FMN1: variants seen among roughly 807,000 people sequenced by gnomAD.
The protein encoded by FMN1 is formin 1.
In FMN1, 110 loss-of-function variants were observed where a neutral mutation model predicts 132.4. The ratio of observed to expected loss-of-function variants is 0.83; its 90% CI spans 0.71 to 0.97. FMN1 has a LOEUF of 0.97. Among genes scored for constraint, FMN1 ranks in the 50% least tolerant of loss-of-function variants. The pLI, the probability that FMN1 is intolerant of heterozygous loss-of-function variation, is 0.00. For missense variants in FMN1, 1,792 were observed against 1,705.3 expected, an observed-to-expected ratio of 1.05 and a Z score of -0.90; for synonymous variants, 722 against 651.7, an observed-to-expected ratio of 1.11 and a Z score of -1.64.
chr15:32,993,779 T>C (rs1323840977), intron 7 of FMN1, among the ~76,000 whole-genome samples: 3 of 151,910 alleles, frequency 2.0e-5, no homozygotes, highest in Admixed American at 2.0e-4. Flanking sequence ...TCAGAGAGCG[T>C]AAATTCTCTC....
chr15:32,982,365 A>C (rs907821931), intron 7 of FMN1, among the ~76,000 whole-genome samples: 1 of 152,214 alleles, frequency 6.6e-6, no homozygotes, highest in Admixed American at 6.5e-5. Flanking sequence ...GCCATTTCTT[A>C]TAAAGTTAAA....
Position 32,900,129 on chromosome 15 carries a change from T to A in FMN1, c.3508-4A>T. 6.2e-7 allele frequency: 1 copy of A among 1,613,668 alleles called. No individual in the cohort carries two copies. Among genetic ancestry groups the A allele is most frequent in the African/African-American group, 1.3e-5 (1 of 75,058 alleles). On this transcript the variant is annotated splice_polypyrimidine_tract_variant and splice_region_variant and intron_variant, in intron 13 of 20. Coordinates refer to ENST00000616417, the MANE Select transcript of FMN1 (RefSeq NM_001277313.2). ...CGCTCTTCACGTGCAGCAAGTCCTG[T>A]GATGGCAAACACCAGTTATTACGGA... is the stretch of plus-strand genomic sequence containing the variant.
At chr15:33,103,951 C>T (rs189792657) in intron 4 of FMN1, among the ~76,000 whole-genome samples, 96 of 151,942 alleles carry the variant, frequency 6.3e-4, no homozygotes, top group African/African-American at 2.2e-3. Context: ...AAATACAGCT[C>T]CAATTTAAAA....
intron 6 of FMN1, among the ~76,000 whole-genome samples, chr15:33,038,619 G>C (rs534627739): frequency 6.6e-6 from 1 of 152,270 alleles, no homozygotes; most frequent in Non-Finnish European, 1.5e-5. Context: ...CAACACGTAA[G>C]ATTTAATAAT....
chr15:33,059,548 T>A (rs1157404678), intron 6 of FMN1, among the ~76,000 whole-genome samples: 2 of 152,208 alleles, frequency 1.3e-5, no homozygotes, highest in African/African-American at 2.4e-5. Flanking sequence ...CCTTGTTGGA[T>A]CTTTAGATAC....
chr15:32,798,476 G>C (rs1251926298), intron 19 of FMN1, among the ~76,000 whole-genome samples: 3 of 152,178 alleles, frequency 2.0e-5, no homozygotes, highest in Non-Finnish European at 4.4e-5. Context: ...CGACAGCAAG[G>C]CTGCCTCATT....
At chr15:32,858,112 C>A (rs1244639538) in intron 16 of FMN1, among the ~76,000 whole-genome samples, 1 of 152,154 alleles carries the variant, frequency 6.6e-6, no homozygotes, top group African/African-American at 2.4e-5. Context: ...TACTACAGAT[C>A]TTGGAGCAAT....
intron 6 of FMN1, among the ~76,000 whole-genome samples, chr15:33,019,287 C>T (rs548507848): frequency 2.6e-5 from 4 of 152,296 alleles, no homozygotes; most frequent in Non-Finnish European, 4.4e-5. Context: ...AAACCCTGAG[C>T]GGGACACAGA....
intron 7 of FMN1, among the ~76,000 whole-genome samples, chr15:33,007,223 A>T (rs2034467616): frequency 6.6e-6 from 1 of 152,194 alleles, no homozygotes; most frequent in Non-Finnish European, 1.5e-5. Flanking sequence ...TAGAAAAGAA[A>T]TGTCTGATCC....
intron 12 of FMN1, among the ~76,000 whole-genome samples, chr15:32,907,560 T>C (rs570395316): frequency 6.6e-6 from 1 of 152,196 alleles, no homozygotes; most frequent in Non-Finnish European, 1.5e-5. Flanking sequence ...GACCCGTTTC[T>C]AGAGGACCCA....
chr15:32,969,052 T>C lies in FMN1; in HGVS notation c.2649A>G (p.Ser883=), dbSNP rs1233976631. 6.7e-7 allele frequency: 1 copy of C among 1,481,662 alleles called. No homozygotes were observed. Among genetic ancestry groups the C allele is most frequent in the Non-Finnish European group, 9.0e-7 (1 of 1,105,958 alleles). The allele number at this position is 1,481,662 out of a possible 1,614,324, so 91.8% of individuals were successfully genotyped here. The change falls in exon 8 of 21, where the codon TCA becomes TCG. Residue 883 remains serine (S), a synonymous_variant. Transcript: ENST00000616417. ...GTGCGGGAGACAAAGATCCAAGTCC[T>C]GAGGGGAGGGGCGGAGGGGGAGGGA... ...ASIPPPPPLP[S]GLGSLSPAPP...
intron 9 of FMN1, among the ~76,000 whole-genome samples, chr15:32,945,359 T>C (rs781774459): frequency 9.9e-5 from 15 of 152,134 alleles, no homozygotes; most frequent in Non-Finnish European, 2.1e-4. Context: ...AGTAACTTTC[T>C]CATAGAAAGC....
intron 4 of FMN1, among the ~76,000 whole-genome samples, chr15:33,122,028 G>A (rs1410641997): frequency 6.6e-6 from 1 of 152,052 alleles, no homozygotes; most frequent in Non-Finnish European, 1.5e-5. Flanking sequence ...TACTTTCAAG[G>A]AGCACAATAC....
intron 9 of FMN1, among the ~76,000 whole-genome samples, chr15:32,945,702 C>T (rs921577839): frequency 6.6e-6 from 1 of 152,068 alleles, no homozygotes; most frequent in Non-Finnish European, 1.5e-5. Flanking sequence ...TGATGGATGG[C>T]CTTTGATTTA....
At chr15:32,916,055 G>A (rs912398235) in intron 10 of FMN1, among the ~76,000 whole-genome samples, 1 of 152,158 alleles carries the variant, frequency 6.6e-6, no homozygotes, top group African/African-American at 2.4e-5. Flanking sequence ...ATATACACAA[G>A]GATCATTAGA....
chr15:32,850,090 G>A (rs1221935573), intron 17 of FMN1, among the ~76,000 whole-genome samples: 1 of 152,188 alleles, frequency 6.6e-6, no homozygotes, highest in East Asian at 1.9e-4. Context: ...TTGAGTAGCA[G>A]TGGAGTACAC....
intron 7 of FMN1, among the ~76,000 whole-genome samples, chr15:32,986,508 T>A (rs551785086): frequency 6.6e-6 from 1 of 152,236 alleles, no homozygotes; most frequent in South Asian, 2.1e-4. Flanking sequence ...TAAACATAGA[T>A]TAAGAAAAAT....
rs60361285 is a variant in FMN1 at position 33,100,224 on chromosome 15, A to T, written c.1868-11250T>A. 8.9e-3 allele frequency among the ~76,000 whole-genome samples: 242 copies of T among 27,234 alleles called. 1 individual carries two copies. Among genetic ancestry groups the T allele is most frequent in the African/African-American group, 0.072 (223 of 3,110 alleles). 17.9% of individuals were successfully genotyped at this position (27,234 alleles called of 152,430 possible). On this transcript the variant is annotated intron_variant, in intron 4 of 20. Transcript: ENST00000616417. ...GCCTAGAGTCTTAAACTTTCACAGT[A>T]AAAAAAAAAAAAAAAAAAGGTAGGA... is the stretch of plus-strand genomic sequence containing the variant.
intron 18 of FMN1, 25 bp downstream of exon 18, chr15:32,804,256 C>A (rs1317593651): frequency 6.5e-7 from 1 of 1,535,868 alleles, no homozygotes; most frequent in Non-Finnish European, 8.8e-7. Context: ...AAAGAAAGAA[C>A]TGGGGCCAAA....
Sources: allele counts gnomAD v4.1 joint callset (sites outside exome capture counted in the v4.1 genomes callset), GRCh38; gene constraint gnomAD v4.1.1; transcripts MANE v1.5; gene names NCBI Gene and HGNC (gene_info 2026-07-23, HGNC 2026-07-21).